The following WDPCP variants were observed in gnomAD, a reference collection of about 807,000 sequenced individuals.
The protein encoded by WDPCP is WD repeat-containing and planar cell polarity effector protein fritz homolog.
WDPCP carries 71 observed loss-of-function variants against 93.1 expected under a neutral mutation model. The ratio of observed to expected loss-of-function variants is 0.76; its 90% CI spans 0.63 to 0.93. The LOEUF (loss-of-function observed/expected upper bound fraction) is 0.93. Ranked by LOEUF, WDPCP falls within the 40% of genes least tolerant of loss-of-function variation. The probability of loss-of-function intolerance (pLI) is 0.00; values close to 1 mark genes in which losing one functional copy is unlikely to be tolerated. For missense variants in WDPCP, 844 were observed against 887.4 expected (o/e 0.95, Z 0.62); for synonymous variants, 315 against 315.0 (o/e 1.00, Z 0.00).
At chr2:63,576,375 AAC>A (rs1575686811) in intron 1 of WDPCP, among the ~76,000 whole-genome samples, 1 of 152,188 alleles carries the variant, frequency 6.6e-6, no homozygotes, top group East Asian at 1.9e-4. Flanking sequence ...AACTCAGAGA[AAC>A]ACTTTACTTA....
At chr2:63,623,398 A>G (rs1709770810) in intron 3 of WDPCP, among the ~76,000 whole-genome samples, 2 of 152,200 alleles carry the variant, frequency 1.3e-5, no homozygotes, top group African/African-American at 4.8e-5. Context: ...CAAATTGGAT[A>G]GAGTCAAGAC....
chr2:63,193,006 CT>C (rs1675158432), intron 14 of WDPCP, among the ~76,000 whole-genome samples: 1 of 152,124 alleles, frequency 6.6e-6, no homozygotes, highest in Admixed American at 6.5e-5. Context: ...AAAAATACAG[CT>C]TTTTGGAGGC....
chr2:63,301,440 A>G (rs1015692717), intron 13 of WDPCP, among the ~76,000 whole-genome samples: 3 of 152,220 alleles, frequency 2.0e-5, no homozygotes, highest in Admixed American at 2.0e-4. Context: ...AGGCCATAAT[A>G]GCAGGATATA....
At chr2:63,154,339 C>A (rs145339183) in intron 15 of WDPCP, among the ~76,000 whole-genome samples, 156 of 152,162 alleles carry the variant, frequency 1.0e-3, no homozygotes, top group African/African-American at 3.6e-3. Flanking sequence ...CCCTGGCAAC[C>A]ACAGATATCT....
intron 2 of WDPCP, among the ~76,000 whole-genome samples, chr2:63,699,832 A>T (rs1001184717): frequency 6.6e-6 from 1 of 152,224 alleles, no homozygotes; most frequent in African/African-American, 2.4e-5. Context: ...GTGTCTTAGA[A>T]TTGACAAAAC....
intron 13 of WDPCP, among the ~76,000 whole-genome samples, chr2:63,280,882 A>G (rs1683485216): frequency 6.6e-6 from 1 of 152,236 alleles, no homozygotes; most frequent in South Asian, 2.1e-4. Flanking sequence ...ATTCTAGAAG[A>G]TAACATCAGA....
intron 2 of WDPCP, among the ~76,000 whole-genome samples, chr2:63,655,516 A>G (rs1375707733): frequency 6.6e-6 from 1 of 152,048 alleles, no homozygotes; most frequent in Admixed American, 6.5e-5. Context: ...ATCTCAGTAC[A>G]TGATAATTTT....
intron 6 of WDPCP, 74 bp downstream of exon 6, chr2:63,484,530 A>G: frequency 1.3e-6 from 2 of 1,575,014 alleles, no homozygotes; most frequent in Admixed American, 3.4e-5. Flanking sequence ...CTAACATAAC[A>G]CAAGAATACC....
At chr2:63,580,505 A>G (rs886773220) in intron 1 of WDPCP, among the ~76,000 whole-genome samples, 1 of 152,186 alleles carries the variant, frequency 6.6e-6, no homozygotes, top group Admixed American at 6.5e-5. Context: ...AACATCACCT[A>G]TGTAATCTTC....
chr2:63,305,107 T>C lies in WDPCP; in HGVS notation c.1812+8141A>G, dbSNP rs1685627633. 2.0e-5 allele frequency among the ~76,000 whole-genome samples: 3 copies of C among 152,272 alleles called. No homozygotes were observed. In the Middle Eastern group the frequency reaches 0.01, roughly 518 times the overall value. On this transcript the variant is annotated intron_variant, in intron 13 of 17. Transcript: ENST00000272321. ...GGCAGCAGCCCCAGTCAGGGGCTTA[T>C]AGATAAAACTCCCACCTCCCTGGGA...
intron 2 of WDPCP, among the ~76,000 whole-genome samples, chr2:63,691,976 T>C (rs1457858281): frequency 6.6e-6 from 1 of 151,646 alleles, no homozygotes; most frequent in African/African-American, 2.4e-5. Flanking sequence ...GAAATAATTA[T>C]AAAAAAATAT....
intron 13 of WDPCP, among the ~76,000 whole-genome samples, chr2:63,288,314 G>T (rs1684158477): frequency 6.6e-6 from 1 of 152,188 alleles, no homozygotes; most frequent in Admixed American, 6.5e-5. Context: ...AATGAGTAAA[G>T]TAAAATGAGT....
chr2:63,440,078 T>G (rs1697405659), intron 6 of WDPCP: 2 of 540,892 alleles, frequency 3.7e-6, no homozygotes, highest in Middle Eastern at 5.1e-4. Context: ...ACACAATAAA[T>G]GCATTGATTA....
chr2:63,409,130 C>T (rs1694827253), intron 9 of WDPCP, among the ~76,000 whole-genome samples: 1 of 152,178 alleles, frequency 6.6e-6, no homozygotes, highest in South Asian at 2.1e-4. Flanking sequence ...AAGCTAAGAA[C>T]CCTCACAAAG....
upstream of WDPCP, chr2:63,590,392 T>A (rs1709165345): frequency 3.3e-5 from 5 of 152,180 alleles, no homozygotes. Context: ...TCTGAATTTT[T>A]ATTTTTATAG....
intron 2 of WDPCP, among the ~76,000 whole-genome samples, chr2:63,784,982 A>G (rs944456879): frequency 6.6e-6 from 1 of 152,198 alleles, no homozygotes; most frequent in Non-Finnish European, 1.5e-5. Context: ...AAATGAAACA[A>G]TATATACAGA....
At chr2:63,126,567 T>G (rs1669915561) in intron 17 of WDPCP, among the ~76,000 whole-genome samples, 1 of 152,204 alleles carries the variant, frequency 6.6e-6, no homozygotes, top group South Asian at 2.1e-4. Flanking sequence ...CTATTTCACT[T>G]TTTTGCCTTT....
At chr2:63,557,705 G>C (rs1343408076) in intron 1 of WDPCP, among the ~76,000 whole-genome samples, 1 of 152,186 alleles carries the variant, frequency 6.6e-6, no homozygotes, top group Non-Finnish European at 1.5e-5. Context: ...ATTCTTCTCG[G>C]TGCCACATTC....
intron 1 of WDPCP, among the ~76,000 whole-genome samples, chr2:63,553,776 T>C (rs1374668844): frequency 1.3e-5 from 2 of 152,182 alleles, no homozygotes; most frequent in African/African-American, 2.4e-5. Flanking sequence ...GTTGCAAAAA[T>C]GATTTTTAAA....
Sources: gnomAD v4.1 joint callset for allele counts (sites outside exome capture counted in the v4.1 genomes callset) on GRCh38, gnomAD v4.1.1 for gene constraint, MANE v1.5 for transcripts, NCBI Gene and HGNC (gene_info 2026-07-23, HGNC 2026-07-21) for gene names.